The following PCCA variants were observed in gnomAD, a reference collection of about 807,000 sequenced individuals.
PCCA encodes propionyl-CoA carboxylase subunit alpha.
PCCA carries 74 observed loss-of-function variants against 101.3 expected under a neutral mutation model. The observed-to-expected ratio is 0.73, with a 90% CI of 0.61 to 0.89. The LOEUF is 0.89. Ranked by LOEUF, PCCA falls within the 40% of genes least tolerant of loss-of-function variation. The pLI, the probability that PCCA is intolerant of heterozygous loss-of-function variation, is 0.00. For synonymous variants in PCCA, 294 were observed against 313.6 expected (o/e 0.94, Z 0.66); for missense variants, 891 against 907.0 (o/e 0.98, Z 0.23).
At chr13:100,178,883 T>C (rs765418507) in intron 6 of PCCA, among the ~76,000 whole-genome samples, 17 of 151,654 alleles carry the variant, frequency 1.1e-4, no homozygotes, top group Non-Finnish European at 1.9e-4. Flanking sequence ...CGAGACCATC[T>C]TGGCTAACAC....
chr13:100,229,019 A>G (rs1420182170), intron 7 of PCCA, among the ~76,000 whole-genome samples: 2 of 151,534 alleles, frequency 1.3e-5, no homozygotes, highest in African/African-American at 4.8e-5. Flanking sequence ...TTTGTTTTGT[A>G]TTATAACTTA....
At chr13:100,174,082 T>G (rs987308569) in intron 6 of PCCA, among the ~76,000 whole-genome samples, 1 of 152,162 alleles carries the variant, frequency 6.6e-6, no homozygotes, top group Non-Finnish European at 1.5e-5. Context: ...TGGAGGATTG[T>G]CAGATACTAT....
intron 22 of PCCA, among the ~76,000 whole-genome samples, chr13:100,520,534 C>T (rs901643488): frequency 6.7e-4 from 99 of 147,564 alleles, no homozygotes; most frequent in Admixed American, 6.5e-3. Flanking sequence ...ACTCGGGAGG[C>T]TGAGGCAGGA....
intron 6 of PCCA, among the ~76,000 whole-genome samples, chr13:100,187,268 T>TG (rs1324012890): frequency 6.6e-6 from 1 of 152,190 alleles, no homozygotes; most frequent in Non-Finnish European, 1.5e-5. Context: ...TTAAAAAAAT[T>TG]GGAGAAAGAG....
rs112947972 is a variant in PCCA, at chr13:100,110,429, C to A, written c.184-1412C>A. ...CTACCAGTTTATGTGGAAATCAAGGCCTACAGAGATTGATTTACTTAAAGT... is the reference window on the plus strand; with the variant it reads ...CTACCAGTTTATGTGGAAATCAAGGACTACAGAGATTGATTTACTTAAAGT... On this transcript the variant is annotated intron_variant, in intron 2 of 23. Transcript: ENST00000376285. Among the ~76,000 whole-genome samples, 1,483 of 152,176 alleles carry A rather than the reference C, an allele frequency of 9.7e-3. 26 individuals are homozygous for A. Among genetic ancestry groups the A allele is most frequent in the African/African-American group, 0.025 (1,053 of 41,488 alleles).
At position 100,275,043 on chromosome 13, in the gene PCCA, T is replaced by C. The variant is rs909223520; in HGVS notation, c.1065+1697T>C. ...TGTCAACTCTTCTTCCGTTAGGCCC[T>C]TGGGGGAGGGGGTGGGGGGGGAGGG... On this transcript the variant is annotated intron_variant, in intron 12 of 23. Coordinates refer to ENST00000376285, the MANE Select transcript of PCCA (RefSeq NM_000282.4). Among the ~76,000 whole-genome samples the C allele has an allele frequency of 1.0e-4, 3 of 30,106 alleles. No homozygotes were observed. In the Admixed American group the frequency reaches 1.4e-3, roughly 14 times the overall value. 19.8% of individuals were successfully genotyped at this position (30,106 alleles called of 152,430 possible). A position where few individuals can be genotyped will look rare whatever the true frequency, so the allele number is the denominator to read the frequency against.
chr13:100,329,104 A>T (rs1019440277), intron 16 of PCCA, among the ~76,000 whole-genome samples: 6 of 151,476 alleles, frequency 4.0e-5, no homozygotes, highest in African/African-American at 1.5e-4. Context: ...CATTGCTGAA[A>T]TTTGCTGTTT....
chr13:100,110,321 G>A (rs1413325830), intron 2 of PCCA, among the ~76,000 whole-genome samples: 1 of 152,188 alleles, frequency 6.6e-6, no homozygotes, highest in Non-Finnish European at 1.5e-5. Flanking sequence ...AAATTACTTG[G>A]AATGGTGTGT....
intron 10 of PCCA, 79 bp downstream of exon 10, chr13:100,262,910 A>T (rs964059653): frequency 2.8e-6 from 2 of 721,820 alleles, no homozygotes; most frequent in Non-Finnish European, 4.9e-6. Flanking sequence ...CTTTTCTTCC[A>T]TTTAGAATGA....
At chr13:100,089,300 CGG>C in intron 1 of PCCA, 75 bp downstream of exon 1, 1 of 1,340,518 alleles carries the variant, frequency 7.5e-7, no homozygotes, top group Non-Finnish European at 9.5e-7. Context: ...CGGCTGGCGC[CGG>C]GAGAGCGCTG....
Position 100,342,056 on chromosome 13 carries a change from C to A in PCCA, c.1643+1797C>A, listed in dbSNP as rs533317920. Reference sequence around the variant, plus strand: ...CATTTATACTTTGCATAATTAGAGTCATAAACCTGGGAATATGGTTTGAAT... The same window carrying A: ...CATTTATACTTTGCATAATTAGAGTAATAAACCTGGGAATATGGTTTGAAT... On this transcript the variant is annotated intron_variant, in intron 18 of 23. Transcript: ENST00000376285. Among the ~76,000 whole-genome samples, 115 of 148,982 alleles carry A rather than the reference C, an allele frequency of 7.7e-4. 1 individual carries two copies. The highest frequency in any genetic ancestry group is 2.8e-3 in the African/African-American group (113 of 40,108).
chr13:100,316,987 T>C (rs1289180864), intron 16 of PCCA, among the ~76,000 whole-genome samples: 1 of 152,066 alleles, frequency 6.6e-6, no homozygotes, highest in Non-Finnish European at 1.5e-5. Context: ...TTGGTCAGGC[T>C]GGTCTCAACT....
At chr13:100,154,725 T>C (rs2053692673) in intron 4 of PCCA, 1 of 447,662 alleles carries the variant, frequency 2.2e-6, no homozygotes, top group East Asian at 4.7e-5. Context: ...GCTGTGATTT[T>C]ACATAAAGAG....
intron 19 of PCCA, among the ~76,000 whole-genome samples, chr13:100,409,072 T>C (rs2077861498): frequency 6.6e-6 from 1 of 152,052 alleles, no homozygotes; most frequent in Admixed American, 6.5e-5. Context: ...CCTTGGACCA[T>C]GTGTCCAAGC....
intron 12 of PCCA, among the ~76,000 whole-genome samples, chr13:100,282,312 C>T (rs187242773): frequency 1.3e-5 from 2 of 152,388 alleles, no homozygotes; most frequent in South Asian, 2.1e-4. Flanking sequence ...CGCTCGCTCT[C>T]GGCGCCTCCT....
At chr13:100,216,997 TA>T (rs1299757153) in intron 7 of PCCA, among the ~76,000 whole-genome samples, 1 of 151,656 alleles carries the variant, frequency 6.6e-6, no homozygotes, top group Non-Finnish European at 1.5e-5. Flanking sequence ...TAATCCCAGC[TA>T]CTCGGGAGGC....
At chr13:100,202,753 T>C (rs2058608958) in intron 6 of PCCA, among the ~76,000 whole-genome samples, 1 of 151,592 alleles carries the variant, frequency 6.6e-6, no homozygotes, top group Non-Finnish European at 1.5e-5. Context: ...TTTTTATATT[T>C]AAATTAAATA....
chr13:100,107,375 A>G (rs1326184749), intron 2 of PCCA, among the ~76,000 whole-genome samples: 4 of 152,206 alleles, frequency 2.6e-5, no homozygotes, highest in African/African-American at 9.6e-5. Flanking sequence ...CCAGTACAGT[A>G]CTGTGTTGTT....
At chr13:100,507,708 G>A (rs1008481995) in intron 21 of PCCA, among the ~76,000 whole-genome samples, 3 of 152,124 alleles carry the variant, frequency 2.0e-5, no homozygotes, top group African/African-American at 4.8e-5. Flanking sequence ...CTGGGCTGGA[G>A]TGCAGTGGCG....
Sources: allele counts gnomAD v4.1 joint callset (sites outside exome capture counted in the v4.1 genomes callset), GRCh38; gene constraint gnomAD v4.1.1; transcripts MANE v1.5; gene names NCBI Gene and HGNC (gene_info 2026-07-23, HGNC 2026-07-21).